The following COG5 variants were observed in gnomAD, a reference collection of about 807,000 sequenced individuals.
COG5 encodes conserved oligomeric Golgi complex subunit 5.
A neutral mutation model predicts 110.4 loss-of-function variants in COG5; 86 were observed. That is an observed-to-expected ratio of 0.78 (90% CI 0.65 to 0.93). COG5 has a LOEUF of 0.93. Ranked by LOEUF, COG5 falls within the 40% of genes least tolerant of loss-of-function variation. COG5 has a pLI of 0.00. For missense variants in COG5, 1,077 were observed against 987.0 expected (o/e 1.09, Z -1.22); for synonymous variants, 360 against 334.6 (o/e 1.08, Z -0.83).
chr7:107,486,818 T>C (rs1797681263), intron 6 of COG5, among the ~76,000 whole-genome samples: 1 of 152,132 alleles, frequency 6.6e-6, no homozygotes, highest in African/African-American at 2.4e-5. Flanking sequence ...AACTAAACAA[T>C]GGAAAAACAG....
intron 6 of COG5, among the ~76,000 whole-genome samples, chr7:107,417,598 T>A (rs1792958169): frequency 6.6e-6 from 1 of 152,178 alleles, no homozygotes; most frequent in African/African-American, 2.4e-5. Context: ...AAGTAACACG[T>A]TAGCTTCTTG....
intron 6 of COG5, among the ~76,000 whole-genome samples, chr7:107,512,795 G>T (rs1191204115): frequency 6.6e-6 from 1 of 151,886 alleles, no homozygotes; most frequent in Non-Finnish European, 1.5e-5. Flanking sequence ...AAGCAATGGG[G>T]AAAGGATTCC....
chr7:107,409,658 G>A (rs1384737018), intron 7 of COG5, among the ~76,000 whole-genome samples: 2 of 152,174 alleles, frequency 1.3e-5, no homozygotes, highest in Admixed American at 1.3e-4. Flanking sequence ...GGAAAAGGTT[G>A]AAGATTCAGA....
rs145200755 is a variant in COG5 at position 107,517,736 on chromosome 7, C to T, written c.538+9501G>A. Among the ~76,000 whole-genome samples, 1,399 of 150,486 alleles carry T rather than the reference C, an allele frequency of 9.3e-3. 11 individuals are homozygous for T. Among genetic ancestry groups the T allele is most frequent in the Non-Finnish European group, 0.015 (1,025 of 67,748 alleles). ...TTTTTGTGATGGAGTCTCACTCTGT[C>T]GCCCAGGCTGCAGTGCAGTGGCGCA... On this transcript the variant is annotated intron_variant, in intron 6 of 21. Coordinates refer to ENST00000297135, the MANE Select transcript of COG5 (RefSeq NM_006348.5).
intron 6 of COG5, among the ~76,000 whole-genome samples, chr7:107,420,990 A>G (rs1030595339): frequency 2.0e-4 from 31 of 152,152 alleles, no homozygotes; most frequent in Non-Finnish European, 5.9e-5. Flanking sequence ...ATACCTTACT[A>G]TTAAAAATGA....
chr7:107,338,595 T>C (rs748126557), intron 10 of COG5, among the ~76,000 whole-genome samples: 1 of 152,116 alleles, frequency 6.6e-6, no homozygotes, highest in Non-Finnish European at 1.5e-5. Flanking sequence ...ATTACTTATA[T>C]ATGATACCAA....
intron 8 of COG5, among the ~76,000 whole-genome samples, chr7:107,363,041 G>T (rs1389292701): frequency 2.6e-5 from 4 of 152,108 alleles, no homozygotes; most frequent in Non-Finnish European, 5.9e-5. Context: ...TATTGAAGTA[G>T]TAATCCTGAA....
chr7:107,315,453 T>C (rs942857572), intron 11 of COG5, among the ~76,000 whole-genome samples: 1 of 152,152 alleles, frequency 6.6e-6, no homozygotes, highest in East Asian at 1.9e-4. Context: ...AGACTAATAC[T>C]GCACAAGGGG....
chr7:107,447,943 T>C (rs1289716130), intron 6 of COG5, among the ~76,000 whole-genome samples: 1 of 151,982 alleles, frequency 6.6e-6, no homozygotes, highest in African/African-American at 2.4e-5. Flanking sequence ...ATCACCTGAG[T>C]TCAGGAGTTC....
Position 107,236,679 on chromosome 7 carries a change from G to A in COG5, c.1862C>T (p.Ser621Phe). The change falls in exon 18 of 22, where the codon TCC becomes TTC. Residue 621 changes from serine to phenylalanine, a missense_variant. Ser to Phe is a radical substitution (Grantham distance 155). Coordinates refer to ENST00000297135, the MANE Select transcript of COG5 (RefSeq NM_006348.5). ...AGGAACATCAGGTTTTCCTGAGCTG[G>A]ATAATGACCTGTAAAAGAAAAAGCA... Reference protein sequence around the residue: ...MHQEDFSGSLSSSGKPDVPCS... With the variant: ...MHQEDFSGSLFSSGKPDVPCS... 1 of 1,612,112 alleles carries A rather than the reference G, an allele frequency of 6.2e-7. No homozygotes were observed. The highest frequency in any genetic ancestry group is 1.3e-5 in the African/African-American group (1 of 74,966).
chr7:107,266,972 G>A (rs1406761865), intron 14 of COG5, among the ~76,000 whole-genome samples: 1 of 152,168 alleles, frequency 6.6e-6, no homozygotes, highest in Admixed American at 6.5e-5. Flanking sequence ...CAATGGTAAT[G>A]TTGTATCTTA....
At chr7:107,291,952 C>T (rs1806210994) in intron 12 of COG5, among the ~76,000 whole-genome samples, 1 of 152,200 alleles carries the variant, frequency 6.6e-6, no homozygotes, top group Admixed American at 6.5e-5. Context: ...CAAATGAAGT[C>T]ACTTACTTGG....
chr7:107,447,191 C>G (rs1795057238), intron 6 of COG5, among the ~76,000 whole-genome samples: 1 of 152,154 alleles, frequency 6.6e-6, no homozygotes, highest in Non-Finnish European at 1.5e-5. Flanking sequence ...TAGCTCCCTA[C>G]TTCCATCTCA....
intron 8 of COG5, among the ~76,000 whole-genome samples, chr7:107,365,596 CA>C (rs71134263): frequency 0.21 from 7,634 of 36,530 alleles, 79 homozygotes; most frequent in Non-Finnish European, 0.24. Flanking sequence ...TGCAAAATGA[CA>C]AAAAAAAAAA....
At chr7:107,285,373 T>C (rs1805541976) in intron 12 of COG5, among the ~76,000 whole-genome samples, 1 of 152,204 alleles carries the variant, frequency 6.6e-6, no homozygotes, top group Non-Finnish European at 1.5e-5. Flanking sequence ...CTGCAGAAAT[T>C]TTGGCACTGA....
intron 7 of COG5, among the ~76,000 whole-genome samples, chr7:107,381,387 T>G (rs1315827533): frequency 6.6e-6 from 1 of 152,220 alleles, no homozygotes; most frequent in East Asian, 1.9e-4. Flanking sequence ...TTAGGTTATA[T>G]TTTTGTAAAT....
chr7:107,496,682 C>G, intron 6 of COG5, among the ~76,000 whole-genome samples: 1 of 137,886 alleles, frequency 7.3e-6, no homozygotes, highest in South Asian at 2.2e-4. Context: ...AAACAAAAAA[C>G]AAAAAAACAA....
At chr7:107,349,045 A>C (rs1038985548) in intron 10 of COG5, among the ~76,000 whole-genome samples, 1 of 152,140 alleles carries the variant, frequency 6.6e-6, no homozygotes, top group East Asian at 1.9e-4. Context: ...TTTAACATTG[A>C]TCAATTCCTG....
chr7:107,232,001 C>T (rs1026824199), intron 18 of COG5, among the ~76,000 whole-genome samples: 6 of 152,206 alleles, frequency 3.9e-5, no homozygotes, highest in Middle Eastern at 3.4e-3. Flanking sequence ...ACCTCAGTGT[C>T]GAGAGAGTTG....
Sources: gnomAD v4.1 joint callset for allele counts (sites outside exome capture counted in the v4.1 genomes callset) on GRCh38, gnomAD v4.1.1 for gene constraint, MANE v1.5 for transcripts, NCBI Gene and HGNC (gene_info 2026-07-23, HGNC 2026-07-21) for gene names.